MAGI1: variants seen among roughly 807,000 people sequenced by gnomAD.
The protein encoded by MAGI1 is membrane associated guanylate kinase, WW and PDZ domain containing 1.
In MAGI1, 58 loss-of-function variants were observed where a neutral mutation model predicts 139.9. That is an observed-to-expected ratio of 0.41 (90% CI 0.34 to 0.52). The LOEUF (loss-of-function observed/expected upper bound fraction) is 0.52, where lower values mean the gene tolerates loss of function less well. MAGI1 is among the 20% of genes least tolerant of loss of function. MAGI1 has a pLI of 0.12. For synonymous variants in MAGI1, 812 were observed against 737.9 expected (o/e 1.10, Z -1.63); for missense variants, 1,874 against 1,901.6 (o/e 0.99, Z 0.27).
At chr3:65,636,009 T>A (rs1186836461) in intron 1 of MAGI1, among the ~76,000 whole-genome samples, 1 of 152,158 alleles carries the variant, frequency 6.6e-6, no homozygotes, top group Admixed American at 6.5e-5. Flanking sequence ...CAATTTCCCA[T>A]CAACAGAGCA....
intron 1 of MAGI1, among the ~76,000 whole-genome samples, chr3:65,744,670 G>C (rs914346013): frequency 2.6e-5 from 4 of 151,746 alleles, no homozygotes; most frequent in Admixed American, 1.3e-4. Flanking sequence ...TGATAAGAAA[G>C]ACTGTCAGGA....
chr3:66,013,915 A>T (rs1028181264), intron 1 of MAGI1, among the ~76,000 whole-genome samples: 3 of 152,218 alleles, frequency 2.0e-5, no homozygotes, highest in Non-Finnish European at 1.5e-5. Context: ...AGATACTCAT[A>T]CACCTGACGA....
At chr3:65,778,189 G>A (rs906159101) in intron 1 of MAGI1, among the ~76,000 whole-genome samples, 3 of 152,084 alleles carry the variant, frequency 2.0e-5, no homozygotes, top group Admixed American at 6.5e-5. Flanking sequence ...CAGCACTTTG[G>A]GGGGCCAAGG....
At chr3:65,617,643 A>G (rs2083445893) in intron 2 of MAGI1, among the ~76,000 whole-genome samples, 1 of 152,194 alleles carries the variant, frequency 6.6e-6, no homozygotes, top group South Asian at 2.1e-4. Context: ...CCAAGTAATT[A>G]GTGAAGTCCT....
chr3:65,442,440 T>C (rs1264286634), intron 8 of MAGI1, among the ~76,000 whole-genome samples: 3 of 152,176 alleles, frequency 2.0e-5, no homozygotes, highest in East Asian at 1.9e-4. Context: ...CTTGTAAAGA[T>C]AAACAATCCC....
At chr3:65,840,966 T>C (rs1263733506) in intron 1 of MAGI1, among the ~76,000 whole-genome samples, 2 of 152,160 alleles carry the variant, frequency 1.3e-5, no homozygotes, top group South Asian at 2.1e-4. Flanking sequence ...TTAAAAATAA[T>C]AGAGCTATTC....
chr3:65,533,296 G>A (rs1166806263), intron 2 of MAGI1, among the ~76,000 whole-genome samples: 1 of 152,140 alleles, frequency 6.6e-6, no homozygotes. Context: ...AAGACCAAAG[G>A]AGGTGTGGTC....
At chr3:65,650,871 C>G (rs1003052276) in intron 1 of MAGI1, among the ~76,000 whole-genome samples, 2 of 152,168 alleles carry the variant, frequency 1.3e-5, no homozygotes, top group Non-Finnish European at 2.9e-5. Flanking sequence ...TTACAATTTA[C>G]AGCAATGACT....
At chr3:65,946,640 T>C (rs1230069582) in intron 1 of MAGI1, among the ~76,000 whole-genome samples, 3 of 152,030 alleles carry the variant, frequency 2.0e-5, no homozygotes, top group Admixed American at 6.6e-5. Flanking sequence ...GGCCTCACTG[T>C]TTTGCAGTCA....
intron 1 of MAGI1, among the ~76,000 whole-genome samples, chr3:65,697,185 A>G (rs1303003677): frequency 3.3e-5 from 5 of 152,114 alleles, no homozygotes; most frequent in African/African-American, 1.2e-4. Flanking sequence ...AAGAAGTTGA[A>G]TCTCTGAATA....
intron 14 of MAGI1, among the ~76,000 whole-genome samples, chr3:65,384,777 A>AGG (rs1247002906): frequency 4.3e-4 from 23 of 53,914 alleles, no homozygotes; most frequent in African/African-American, 8.9e-4. Context: ...TAATATAGGA[A>AGG]GGGGTGTGTG....
At chr3:65,859,482 G>A (rs954173965) in intron 1 of MAGI1, among the ~76,000 whole-genome samples, 3 of 151,992 alleles carry the variant, frequency 2.0e-5, no homozygotes, top group Non-Finnish European at 2.9e-5. Context: ...TAATCCCAGC[G>A]CTTTAGGAAG....
intron 1 of MAGI1, among the ~76,000 whole-genome samples, chr3:65,896,738 T>A (rs1172533945): frequency 6.6e-6 from 1 of 152,140 alleles, no homozygotes; most frequent in Non-Finnish European, 1.5e-5. Context: ...ACAGTATACA[T>A]CCATACAATG....
At chr3:65,771,334 G>T (rs987272666) in intron 1 of MAGI1, among the ~76,000 whole-genome samples, 3 of 150,430 alleles carry the variant, frequency 2.0e-5, no homozygotes, top group Non-Finnish European at 4.4e-5. Context: ...AAAAGAAGAC[G>T]ATTACTCAGC....
chr3:65,733,899 T>A (rs2107745273), intron 1 of MAGI1, among the ~76,000 whole-genome samples: 1 of 152,276 alleles, frequency 6.6e-6, no homozygotes, highest in East Asian at 1.9e-4. Flanking sequence ...CTGTTGTTAA[T>A]CCACTCCCAG....
In MAGI1 at chr3:65,832,354, C is replaced by T. The variant is rs151220816; in HGVS notation, c.313+205642G>A. ...AGATTCTTCAAAACAATAAAGACTTCCAGTGTGGTTTTAGCACATGTAATG... is the reference window on the plus strand; with the variant it reads ...AGATTCTTCAAAACAATAAAGACTTTCAGTGTGGTTTTAGCACATGTAATG... On this transcript the variant is annotated intron_variant, in intron 1 of 22. Coordinates refer to ENST00000402939, the MANE Select transcript of MAGI1 (RefSeq NM_001033057.2). Among the ~76,000 whole-genome samples, 618 of 152,260 alleles carry T rather than the reference C, an allele frequency of 4.1e-3. 2 individuals are homozygous for T. Among genetic ancestry groups the T allele is most frequent in the Non-Finnish European group, 7.0e-3 (474 of 68,024 alleles).
chr3:65,912,996 G>C (rs934128414), intron 1 of MAGI1, among the ~76,000 whole-genome samples: 6 of 152,142 alleles, frequency 3.9e-5, no homozygotes, highest in Non-Finnish European at 8.8e-5. Context: ...TAAGGGGCTG[G>C]GCGCAGTGGC....
At chr3:65,930,312 T>G (rs2062744232) in intron 1 of MAGI1, among the ~76,000 whole-genome samples, 1 of 35,446 alleles carries the variant, frequency 2.8e-5, no homozygotes, top group Non-Finnish European at 5.9e-5. Context: ...CAAGACTCCG[T>G]CTCAAAAAAA....
chr3:65,394,668 G>A (rs1000990937), intron 13 of MAGI1, among the ~76,000 whole-genome samples: 5 of 116,122 alleles, frequency 4.3e-5, no homozygotes, highest in Admixed American at 9.4e-5. Flanking sequence ...TGGGTGTGAG[G>A]GGAGTTCAAA....
Sources: gnomAD v4.1 joint callset for allele counts (sites outside exome capture counted in the v4.1 genomes callset) on GRCh38, gnomAD v4.1.1 for gene constraint, MANE v1.5 for transcripts, NCBI Gene and HGNC (gene_info 2026-07-23, HGNC 2026-07-21) for gene names.